The following DNAI4 variants were observed in gnomAD, a reference collection of about 807,000 sequenced individuals.
The protein encoded by DNAI4 is WD repeat domain 78.
Under a neutral mutation model 105.8 loss-of-function variants are expected in DNAI4, and 85 were observed. That is an observed-to-expected ratio of 0.80 (90% CI 0.67 to 0.96). DNAI4 has a LOEUF of 0.96. Ranked by LOEUF, DNAI4 falls within the 40% of genes least tolerant of loss-of-function variation. The probability of loss-of-function intolerance (pLI) is 0.00; values close to 1 mark genes in which losing one functional copy is unlikely to be tolerated. For synonymous variants in DNAI4, 352 were observed against 331.5 expected (o/e 1.06, Z -0.67); for missense variants, 1,014 against 1,005.6 (o/e 1.01, Z -0.11).
rs201489764 is a variant in DNAI4 at position 66,837,747 on chromosome 1, C to T, written c.1544G>A (p.Arg515Lys). The change falls in exon 10 of 17, where the codon AGA becomes AAA. Residue 515 changes from arginine (R) to lysine (K), a missense_variant. By Grantham distance (26) the Arg-to-Lys change is conservative. Coordinates refer to ENST00000371026, the MANE Select transcript of DNAI4 (RefSeq NM_024763.5). ...TATTGACCAGCAGCAAGCCAGTCCT[C>T]TTTTTTGCTCTTTAAATCCAAAGTG... ...YGHFGFKEQK[R>K]GLACCWSIKN... 92 of 1,609,810 alleles carry T rather than the reference C, an allele frequency of 5.7e-5. No individual in the cohort carries two copies. The East Asian group carries it at 1.9e-3, about 33-fold the overall frequency.
intron 5 of DNAI4, among the ~76,000 whole-genome samples, chr1:66,874,055 T>C (rs1646910324): frequency 6.6e-6 from 1 of 151,938 alleles, no homozygotes; most frequent in Admixed American, 6.6e-5. Context: ...ATTCAAATAA[T>C]ACTTTAGGTA....
At position 66,834,097 on chromosome 1, in the gene DNAI4, T is replaced by C; in HGVS notation, c.1785A>G (p.Glu595=). 1 of 1,612,362 alleles carries C rather than the reference T, an allele frequency of 6.2e-7. No homozygotes were observed. The highest frequency in any genetic ancestry group is 8.5e-7 in the Non-Finnish European group (1 of 1,179,336). ...CATCTCCTGTTGTTCCTCGATCTTG[T>C]TCTATCCACTGTAGTTGCCATACAG... ...LGPVWQLQWI[E]QDRGTTGDGK... Residue 595 remains glutamate, a synonymous_variant, in exon 12 of 17, where the codon GAA becomes GAG. Transcript: ENST00000371026.
In DNAI4 at chr1:66,862,241, T is replaced by A; in HGVS notation, c.1002A>T (p.Leu334Phe). 1 of 1,611,518 alleles carries A rather than the reference T, an allele frequency of 6.2e-7. No individual in the cohort carries two copies. The highest frequency in any genetic ancestry group is 1.3e-5 in the African/African-American group (1 of 74,930). Residue 334 changes from leucine (L) to phenylalanine (F), a missense_variant, in exon 7 of 17, where the codon TTA becomes TTT. Transcript: ENST00000371026. ...ACTCAACCACAGATTGTTTTACTGA[T>A]AAAGATACAAGTTCCATAGCATTGT... ...DSYNAMELVS[L>F]SVKQSVVESS...
chr1:66,917,453 T>C (rs1650149583), intron 1 of DNAI4, among the ~76,000 whole-genome samples: 1 of 152,148 alleles, frequency 6.6e-6, no homozygotes, highest in Non-Finnish European at 1.5e-5. Context: ...ATTGTGACAT[T>C]AGAATAGAGG....
intron 8 of DNAI4, among the ~76,000 whole-genome samples, chr1:66,846,769 A>C (rs1430196469): frequency 6.6e-6 from 1 of 152,224 alleles, no homozygotes; most frequent in Non-Finnish European, 1.5e-5. Flanking sequence ...ACCTTGGTTG[A>C]ATGCCTAGCT....
At chr1:66,864,235 C>T (rs964283694) in intron 6 of DNAI4, among the ~76,000 whole-genome samples, 1 of 152,118 alleles carries the variant, frequency 6.6e-6, no homozygotes, top group African/African-American at 2.4e-5. Context: ...GTATATAATT[C>T]TAACTCAATA....
intron 1 of DNAI4, among the ~76,000 whole-genome samples, chr1:66,923,247 A>G (rs1430187155): frequency 1.3e-5 from 2 of 152,232 alleles, no homozygotes; most frequent in African/African-American, 4.8e-5. Context: ...GTGTACTTAC[A>G]CAAACCTAGA....
chr1:66,924,538 G>A (rs893810719), intron 1 of DNAI4, 124 bp downstream of exon 1: 19 of 1,296,212 alleles, frequency 1.5e-5, no homozygotes, highest in Non-Finnish European at 1.6e-5. Context: ...GGAGCTTCAA[G>A]GTCTACAGAC....
Position 66,820,201 on chromosome 1 carries a change from C to T in DNAI4, c.2496+2160G>A, listed in dbSNP as rs556011985. Among the ~76,000 whole-genome samples, 4 of 152,106 alleles carry T rather than the reference C, an allele frequency of 2.6e-5. No individual in the cohort carries two copies. The East Asian group carries it at 7.7e-4, about 29-fold the overall frequency. On this transcript the variant is annotated intron_variant, in intron 16 of 16. Coordinates refer to ENST00000371026, the MANE Select transcript of DNAI4 (RefSeq NM_024763.5). ...ATGAAAAAGCCATTAGGATTACATT[C>T]CTCAGAGTAGACTAAAATTACTATG...
Position 66,836,257 on chromosome 1 carries a change from AAAGAAAGAAAGAAAG to A in DNAI4, c.1582-495_1582-481del, listed in dbSNP as rs1244019861. 4.5e-3 allele frequency among the ~76,000 whole-genome samples: 33 copies of A among 7,290 alleles called. 2 individuals carry two copies. The East Asian group carries it at 0.046, about 10-fold the overall frequency. 4.8% of individuals were successfully genotyped at this position (7,290 alleles called of 152,430 possible). On this transcript the variant is annotated intron_variant, in intron 10 of 16. Coordinates refer to ENST00000371026, the MANE Select transcript of DNAI4 (RefSeq NM_024763.5). ...GAGAAAGAAAGAAAGAGAGAGAGAG[AAAGAAAGAAAGAAAG>A]AAAGAAAGAAAGAAAGAAAGAAAGA...
intron 7 of DNAI4, among the ~76,000 whole-genome samples, chr1:66,855,028 C>A (rs903054953): frequency 1.3e-5 from 2 of 152,150 alleles, no homozygotes; most frequent in Admixed American, 1.3e-4. Flanking sequence ...GTAAAGGATT[C>A]ACCTGATAGC....
intron 10 of DNAI4, among the ~76,000 whole-genome samples, chr1:66,836,221 AGAG>A (rs1646000758): frequency 2.0e-5 from 1 of 49,874 alleles, no homozygotes; most frequent in African/African-American, 5.4e-5. Context: ...AGAGAGAGAG[AGAG>A]AGAGAGAGAG....
intron 14 of DNAI4, 74 bp downstream of exon 14, chr1:66,827,738 A>G (rs991762027): frequency 1.3e-6 from 1 of 748,006 alleles, no homozygotes; most frequent in African/African-American, 1.8e-5. Context: ...TGCATATTAC[A>G]TATTCTGTAT....
At chr1:66,825,166 CTTTTTTT>C (rs759572433) in intron 15 of DNAI4, among the ~76,000 whole-genome samples, 1 of 95,910 alleles carries the variant, frequency 1.0e-5, no homozygotes, top group Non-Finnish European at 2.0e-5. Flanking sequence ...TAATAACTGT[CTTTTTTT>C]TTTTTTTTTT....
chr1:66,862,477 G>A (rs371868271), intron 6 of DNAI4, among the ~76,000 whole-genome samples, 175 bp from the exon 7 acceptor site: 70 of 152,298 alleles, frequency 4.6e-4, no homozygotes, highest in African/African-American at 1.6e-3. Context: ...GAGGCCAGGA[G>A]TTAGAGGCAG....
chr1:66,860,837 A>C (rs998044540), intron 7 of DNAI4: 3 of 152,178 alleles, frequency 2.0e-5, no homozygotes, highest in Admixed American at 2.0e-4. Flanking sequence ...TCTACAAGCA[A>C]ACCTATTGTA....
In DNAI4 at chr1:66,894,087, T is replaced by C. The variant is rs536373478; in HGVS notation, c.346-674A>G. Among the ~76,000 whole-genome samples the C allele has an allele frequency of 1.9e-4, 29 of 152,318 alleles. 1 individual carries two copies. The South Asian group carries it at 6.0e-3, about 32-fold the overall frequency. On this transcript the variant is annotated intron_variant, in intron 2 of 16. Coordinates refer to ENST00000371026, the MANE Select transcript of DNAI4 (RefSeq NM_024763.5). ...CTTCTGGTTTATGTGCTTACGAAAC[T>C]ACACTTTTTAATATTTTAGAGTGTA...
At chr1:66,913,002 C>T (rs1649776101) in intron 1 of DNAI4, among the ~76,000 whole-genome samples, 1 of 152,118 alleles carries the variant, frequency 6.6e-6, no homozygotes, top group Non-Finnish European at 1.5e-5. Flanking sequence ...GCTTCCAACA[C>T]AAGAATGGCA....
intron 4 of DNAI4, among the ~76,000 whole-genome samples, chr1:66,887,571 T>C (rs1369321959): frequency 2.0e-5 from 3 of 152,132 alleles, no homozygotes; most frequent in African/African-American, 7.2e-5. Flanking sequence ...TTGTTAAACA[T>C]AGACATTACT....
Sources: allele counts gnomAD v4.1 joint callset (sites outside exome capture counted in the v4.1 genomes callset), GRCh38; gene constraint gnomAD v4.1.1; transcripts MANE v1.5; gene names NCBI Gene and HGNC (gene_info 2026-07-23, HGNC 2026-07-21).